The following RUNDC3B variants were observed in gnomAD, a reference collection of about 807,000 sequenced individuals.
The protein encoded by RUNDC3B is RUN domain-containing protein 3B.
Under a neutral mutation model 58.4 loss-of-function variants are expected in RUNDC3B, and 33 were observed. That is an observed-to-expected ratio of 0.56 (90% CI 0.43 to 0.75). The LOEUF (loss-of-function observed/expected upper bound fraction) is 0.75. Among genes scored for constraint, RUNDC3B ranks in the 30% least tolerant of loss-of-function variants. The pLI is 0.00. For missense variants in RUNDC3B, 501 were observed against 535.7 expected (o/e 0.94, Z 0.64); for synonymous variants, 193 against 195.2 (o/e 0.99, Z 0.10).
intron 4 of RUNDC3B, among the ~76,000 whole-genome samples, chr7:87,713,929 T>C (rs772627903): frequency 5.3e-5 from 8 of 152,216 alleles, no homozygotes; most frequent in Non-Finnish European, 8.8e-5. Context: ...CAGTATTTAA[T>C]TTATAATGAA....
intron 6 of RUNDC3B, among the ~76,000 whole-genome samples, chr7:87,754,703 A>C (rs531466172): frequency 9.2e-5 from 14 of 152,272 alleles, no homozygotes; most frequent in Admixed American, 2.0e-4. Flanking sequence ...CTAATAAAGA[A>C]GAAAAGAGAG....
intron 8 of RUNDC3B, among the ~76,000 whole-genome samples, chr7:87,806,898 TA>T (rs1390532745): frequency 2.6e-5 from 4 of 152,260 alleles, no homozygotes; most frequent in African/African-American, 9.6e-5. Flanking sequence ...TTTTATTTTA[TA>T]TTTTTTTGCA....
chr7:87,809,280 T>C (rs927776801), intron 9 of RUNDC3B, among the ~76,000 whole-genome samples: 1 of 152,166 alleles, frequency 6.6e-6, no homozygotes, highest in Non-Finnish European at 1.5e-5. Flanking sequence ...CATTCTTTAA[T>C]CTGGCCTGTC....
chr7:87,798,836 T>G (rs1421094843), intron 8 of RUNDC3B, among the ~76,000 whole-genome samples: 1 of 152,190 alleles, frequency 6.6e-6, no homozygotes, highest in East Asian at 1.9e-4. Flanking sequence ...GAATATTTCA[T>G]TGGTAAATAG....
At chr7:87,724,475 A>G (rs1211740724) in intron 4 of RUNDC3B, among the ~76,000 whole-genome samples, 1 of 152,168 alleles carries the variant, frequency 6.6e-6, no homozygotes, top group Non-Finnish European at 1.5e-5. Context: ...TAAATGACTA[A>G]TATTTAGTTT....
intron 8 of RUNDC3B, among the ~76,000 whole-genome samples, chr7:87,806,101 C>G (rs1836421302): frequency 6.6e-6 from 1 of 152,164 alleles, no homozygotes; most frequent in African/African-American, 2.4e-5. Flanking sequence ...TACATTCTCA[C>G]TAACTTTGGC....
chr7:87,658,117 T>G (rs1824303866), intron 2 of RUNDC3B, among the ~76,000 whole-genome samples: 1 of 152,130 alleles, frequency 6.6e-6, no homozygotes. Flanking sequence ...TGACAAAGAT[T>G]TTAAAGCATC....
chr7:87,738,987 T>C (rs957343669), intron 4 of RUNDC3B, among the ~76,000 whole-genome samples: 1 of 151,896 alleles, frequency 6.6e-6, no homozygotes, highest in South Asian at 2.1e-4. Context: ...TAAATACTTA[T>C]AGCAGTGTGA....
intron 2 of RUNDC3B, among the ~76,000 whole-genome samples, chr7:87,679,988 C>T (rs1826764070): frequency 6.6e-6 from 1 of 150,462 alleles, no homozygotes; most frequent in Admixed American, 6.6e-5. Context: ...CAACCTGTCA[C>T]CTACATTAGG....
intron 1 of RUNDC3B, among the ~76,000 whole-genome samples, chr7:87,635,554 G>A (rs1402848028): frequency 6.6e-6 from 1 of 152,028 alleles, no homozygotes; most frequent in Admixed American, 6.5e-5. Context: ...GAGATATGTA[G>A]GACATTGTGA....
chr7:87,694,056 T>A (rs937297350), intron 2 of RUNDC3B: 4 of 1,558,758 alleles, frequency 2.6e-6, no homozygotes, highest in Non-Finnish European at 3.4e-6. Context: ...TCTTTTTTAG[T>A]ACATTGCATG....
At chr7:87,646,945 G>A (rs1029749957) in intron 1 of RUNDC3B, among the ~76,000 whole-genome samples, 4 of 152,060 alleles carry the variant, frequency 2.6e-5, no homozygotes, top group Admixed American at 6.6e-5. Context: ...GTTATTTCCC[G>A]TTATTGCATG....
intron 10 of RUNDC3B, among the ~76,000 whole-genome samples, chr7:87,821,527 T>TTGG (rs1563232762): frequency 6.6e-6 from 1 of 152,116 alleles, no homozygotes; most frequent in East Asian, 1.9e-4. Flanking sequence ...CTTCACAGAA[T>TTGG]TGGAAAAAAC....
chr7:87,752,604 G>A (rs2130835591), intron 6 of RUNDC3B, among the ~76,000 whole-genome samples: 1 of 152,246 alleles, frequency 6.6e-6, no homozygotes, highest in East Asian at 1.9e-4. Flanking sequence ...TTAGTCTTGG[G>A]AGAGTGTATG....
chr7:87,646,252 G>A (rs1050848747), intron 1 of RUNDC3B, among the ~76,000 whole-genome samples: 2 of 152,206 alleles, frequency 1.3e-5, no homozygotes, highest in South Asian at 4.1e-4. Flanking sequence ...GTCTCTTGAT[G>A]ATATGAAAAT....
At chr7:87,746,576 G>C (rs1296763488) in intron 6 of RUNDC3B, among the ~76,000 whole-genome samples, 1 of 152,126 alleles carries the variant, frequency 6.6e-6, no homozygotes, top group East Asian at 1.9e-4. Flanking sequence ...GTACTTCTTT[G>C]TCTCTTTTAC....
intron 2 of RUNDC3B, among the ~76,000 whole-genome samples, chr7:87,668,460 GT>G (rs28746488): frequency 2.0e-5 from 3 of 151,128 alleles, no homozygotes; most frequent in South Asian, 2.1e-4. Context: ...TCTTTTGATT[GT>G]TTTTTTTGTG....
At chr7:87,735,220 C>G (rs1276035191) in intron 4 of RUNDC3B, among the ~76,000 whole-genome samples, 2 of 152,142 alleles carry the variant, frequency 1.3e-5, no homozygotes, top group African/African-American at 4.8e-5. Flanking sequence ...CTCCCTCATT[C>G]CCTGTAATTA....
At chr7:87,801,569 CCAA>C (rs1836157544) in intron 8 of RUNDC3B, among the ~76,000 whole-genome samples, 1 of 151,522 alleles carries the variant, frequency 6.6e-6, no homozygotes, top group Non-Finnish European at 1.5e-5. Flanking sequence ...ACCAGCCTGG[CCAA>C]CATGGTGAAA....
Sources: allele counts gnomAD v4.1 joint callset (sites outside exome capture counted in the v4.1 genomes callset), GRCh38; gene constraint gnomAD v4.1.1; transcripts MANE v1.5; gene names NCBI Gene and HGNC (gene_info 2026-07-23, HGNC 2026-07-21).